The following ESRRG variants were observed in gnomAD, a reference collection of about 807,000 sequenced individuals.
ESRRG encodes estrogen related receptor gamma.
ESRRG carries 13 observed loss-of-function variants against 44.0 expected under a neutral mutation model. The ratio of observed to expected loss-of-function variants is 0.30; its 90% confidence interval spans 0.19 to 0.47. ESRRG has a LOEUF of 0.47. Ranked by LOEUF, ESRRG falls within the 20% of genes least tolerant of loss-of-function variation. The pLI is 1.00. For missense variants in ESRRG, 395 were observed against 580.6 expected (o/e 0.68, Z 3.29); for synonymous variants, 215 against 214.6 (o/e 1.00, Z -0.02).
chr1:216,808,782 A>C (rs1309579896), intron 2 of ESRRG, among the ~76,000 whole-genome samples: 4 of 152,170 alleles, frequency 2.6e-5, no homozygotes. Flanking sequence ...AAACAAGTGC[A>C]AAGGTTTACT....
chr1:216,940,181 C>T (rs1209759995), intron 1 of ESRRG, among the ~76,000 whole-genome samples: 1 of 152,136 alleles, frequency 6.6e-6, no homozygotes, highest in Non-Finnish European at 1.5e-5. Flanking sequence ...TAGAGAGGCT[C>T]AAGCTTTCTA....
intron 1 of ESRRG, among the ~76,000 whole-genome samples, chr1:217,095,354 A>G (rs902055825): frequency 8.5e-5 from 13 of 152,228 alleles, no homozygotes; most frequent in African/African-American, 3.1e-4. Context: ...GAAAGATTTG[A>G]ATATTGATTT....
chr1:216,660,917 T>C (rs915037764), intron 2 of ESRRG, among the ~76,000 whole-genome samples: 2 of 152,156 alleles, frequency 1.3e-5, no homozygotes, highest in African/African-American at 4.8e-5. Flanking sequence ...TGTCAGGTTG[T>C]ACACAATGCA....
intron 5 of ESRRG, among the ~76,000 whole-genome samples, chr1:216,523,770 G>A (rs1157050040): frequency 6.6e-6 from 1 of 151,234 alleles, no homozygotes; most frequent in Admixed American, 6.6e-5. Context: ...AAATCTTCAG[G>A]GCATCTGTTA....
intron 2 of ESRRG, among the ~76,000 whole-genome samples, chr1:216,884,449 T>C (rs1284835914): frequency 6.6e-6 from 1 of 152,208 alleles, no homozygotes; most frequent in African/African-American, 2.4e-5. Flanking sequence ...TTTAGATCAA[T>C]TTATTTGCCT....
chr1:216,917,220 G>GAA (rs1330379159), intron 2 of ESRRG, among the ~76,000 whole-genome samples: 17 of 150,356 alleles, frequency 1.1e-4, no homozygotes, highest in Non-Finnish European at 1.9e-4. Context: ...AAATCTGCCA[G>GAA]GTCTACTTAA....
At chr1:216,779,173 A>G (rs1226496680) in intron 2 of ESRRG, among the ~76,000 whole-genome samples, 1 of 93,184 alleles carries the variant, frequency 1.1e-5, no homozygotes, top group Non-Finnish European at 2.0e-5. Flanking sequence ...AAATATATAT[A>G]TAATTATATA....
intron 1 of ESRRG, among the ~76,000 whole-genome samples, chr1:216,988,675 A>G (rs2075241555): frequency 6.6e-6 from 1 of 152,168 alleles, no homozygotes; most frequent in African/African-American, 2.4e-5. Context: ...CCATATTTGT[A>G]TATTTCCCTG....
At chr1:216,554,683 C>A (rs2057150067) in intron 5 of ESRRG, among the ~76,000 whole-genome samples, 2 of 152,002 alleles carry the variant, frequency 1.3e-5, no homozygotes, top group Non-Finnish European at 2.9e-5. Flanking sequence ...TAGTTGGGGT[C>A]ACTTTTGCTG....
chr1:216,846,198 T>C (rs2095745187), intron 2 of ESRRG, among the ~76,000 whole-genome samples: 1 of 152,154 alleles, frequency 6.6e-6, no homozygotes, highest in Non-Finnish European at 1.5e-5. Context: ...TATTTAGTTT[T>C]CCCCCACTTA....
At chr1:217,046,087 CAA>C (rs2084826649) in intron 1 of ESRRG, among the ~76,000 whole-genome samples, 1 of 150,182 alleles carries the variant, frequency 6.7e-6, no homozygotes, top group African/African-American at 2.5e-5. Context: ...CACTGTGACC[CAA>C]AAGAGTTAAG....
At chr1:216,591,002 C>T (rs774554902) in intron 3 of ESRRG, among the ~76,000 whole-genome samples, 1 of 152,006 alleles carries the variant, frequency 6.6e-6, no homozygotes, top group Non-Finnish European at 1.5e-5. Flanking sequence ...GGTCTTTGTC[C>T]CTGGTTTCTG....
chr1:216,723,735 CT>C (rs561469324), upstream of ESRRG, among the ~76,000 whole-genome samples: 24 of 149,478 alleles, frequency 1.6e-4, no homozygotes, highest in East Asian at 3.9e-4. Flanking sequence ...CTCTCTCTTT[CT>C]TTTTTTTTTC....
At chr1:216,640,395 T>C (rs777498409) in intron 3 of ESRRG, among the ~76,000 whole-genome samples, 130 of 152,120 alleles carry the variant, frequency 8.5e-4, no homozygotes, top group African/African-American at 2.9e-3. Context: ...CTTCTCATCA[T>C]TGATCAACCT....
At chr1:216,989,703 T>A (rs1205321190) in intron 1 of ESRRG, among the ~76,000 whole-genome samples, 1 of 152,160 alleles carries the variant, frequency 6.6e-6, no homozygotes, top group African/African-American at 2.4e-5. Flanking sequence ...CTTTCCTTCA[T>A]ATTCAGAGAA....
chr1:217,127,872 T>C (rs2092912042), intron 1 of ESRRG, among the ~76,000 whole-genome samples: 1 of 152,230 alleles, frequency 6.6e-6, no homozygotes, highest in Non-Finnish European at 1.5e-5. Context: ...TTTAAATAAA[T>C]ATGTCTCATA....
chr1:216,977,329 A>C (rs1421547379), intron 1 of ESRRG, among the ~76,000 whole-genome samples: 1 of 103,794 alleles, frequency 9.6e-6, no homozygotes, highest in Non-Finnish European at 1.9e-5. Flanking sequence ...CAAAGTTTCC[A>C]AGGAGGATAC....
chr1:217,122,809 T>C (rs1002375245), intron 1 of ESRRG, among the ~76,000 whole-genome samples: 12 of 151,970 alleles, frequency 7.9e-5, no homozygotes, highest in African/African-American at 2.9e-4. Context: ...TAGCTGGGAT[T>C]ACAAGCATGG....
chr1:216,925,877 G>T (rs916353003), intron 2 of ESRRG, among the ~76,000 whole-genome samples: 2 of 152,002 alleles, frequency 1.3e-5, no homozygotes, highest in Non-Finnish European at 2.9e-5. Context: ...TTGAACCCGG[G>T]GGGTGGAGGT....
Sources: allele counts gnomAD v4.1 joint callset (sites outside exome capture counted in the v4.1 genomes callset), GRCh38; gene constraint gnomAD v4.1.1; transcripts MANE v1.5; gene names NCBI Gene and HGNC (gene_info 2026-07-23, HGNC 2026-07-21).